ENOX2: variants seen among roughly 807,000 people sequenced by gnomAD.
ENOX2 encodes ecto-NOX disulfide-thiol exchanger 2.
A neutral mutation model predicts 45.0 loss-of-function variants in ENOX2; 36 were observed. The ratio of observed to expected loss-of-function variants is 0.80; its 90% CI spans 0.61 to 1.06. The LOEUF is 1.06. ENOX2 is among the 50% of genes least tolerant of loss of function. ENOX2 has a pLI of 0.00. For synonymous variants in ENOX2, 174 were observed against 152.3 expected, an observed-to-expected ratio of 1.14 and a Z score of -1.05; for missense variants, 423 against 462.5, an observed-to-expected ratio of 0.91 and a Z score of 0.78.
chrX:130,793,749 C>T, intron 2 of ENOX2, among the ~76,000 whole-genome samples: 1 of 111,865 alleles, frequency 8.9e-6, no homozygotes, highest in Non-Finnish European at 1.9e-5. Context: ...GTTTGTGTTC[C>T]GTGAGCAGAA....
chrX:130,757,082 C>T (rs1384243867), intron 3 of ENOX2, among the ~76,000 whole-genome samples: 3 of 111,899 alleles, frequency 2.7e-5, no homozygotes, highest in Non-Finnish European at 5.6e-5. Flanking sequence ...CTTAATTACT[C>T]ACTCTTCTAT....
intron 3 of ENOX2, among the ~76,000 whole-genome samples, chrX:130,742,072 C>T (rs780143309): frequency 5.0e-4 from 55 of 110,468 alleles, no homozygotes; most frequent in Non-Finnish European, 8.7e-4. Context: ...ATTCCCCTTT[C>T]TTTTTCAGAG....
intron 2 of ENOX2, among the ~76,000 whole-genome samples, chrX:130,798,618 A>C (rs2077170792): frequency 8.9e-6 from 1 of 112,686 alleles, no homozygotes. Context: ...AAATTTAGAC[A>C]AAGTATAATT....
chrX:130,753,365 T>G (rs1047401974), intron 3 of ENOX2, among the ~76,000 whole-genome samples: 2 of 111,254 alleles, frequency 1.8e-5, no homozygotes, highest in Non-Finnish European at 3.8e-5. Flanking sequence ...TCTGCTTCTC[T>G]TTGTCTGTCC....
At chrX:130,838,782 G>T (rs1267644371) in intron 2 of ENOX2, among the ~76,000 whole-genome samples, 1 of 111,966 alleles carries the variant, frequency 8.9e-6, no homozygotes, top group African/African-American at 3.2e-5. Flanking sequence ...CAAGGTAGGG[G>T]TCACATATAG....
intron 2 of ENOX2, among the ~76,000 whole-genome samples, chrX:130,864,399 G>C (rs1445013087): frequency 1.8e-5 from 2 of 111,174 alleles, no homozygotes; most frequent in Admixed American, 9.6e-5. Context: ...TCAACCACAG[G>C]CTCAGTTGCA....
intron 3 of ENOX2, among the ~76,000 whole-genome samples, chrX:130,733,338 C>A (rs2038782054): frequency 9.2e-6 from 1 of 108,939 alleles, no homozygotes. Flanking sequence ...CAATATATAC[C>A]TGTTAGAATG....
intron 3 of ENOX2, among the ~76,000 whole-genome samples, chrX:130,777,371 C>T (rs748435310): frequency 9.2e-6 from 1 of 108,675 alleles, no homozygotes; most frequent in East Asian, 2.9e-4. Context: ...TGGTGGTGCA[C>T]ATTTGTAGTT....
At chrX:130,664,765 C>T (rs1466874984) in intron 9 of ENOX2, among the ~76,000 whole-genome samples, 1 of 112,344 alleles carries the variant, frequency 8.9e-6, no homozygotes, top group African/African-American at 3.2e-5. Flanking sequence ...GTGAGGCTCA[C>T]ACAGGTGAGA....
intron 2 of ENOX2, among the ~76,000 whole-genome samples, chrX:130,791,816 A>G (rs976185016): frequency 8.9e-6 from 1 of 112,013 alleles, no homozygotes; most frequent in African/African-American, 3.2e-5. Flanking sequence ...ATGTATCTGC[A>G]TAATTTCATT....
intron 2 of ENOX2, among the ~76,000 whole-genome samples, chrX:130,869,212 T>C (rs1452312024): frequency 9.0e-6 from 1 of 111,064 alleles, no homozygotes; most frequent in African/African-American, 3.3e-5. Flanking sequence ...AACTGATCTT[T>C]CTGCCTCCAT....
chrX:130,730,299 G>T (rs1050093919), intron 3 of ENOX2, among the ~76,000 whole-genome samples: 3 of 112,617 alleles, frequency 2.7e-5, no homozygotes, highest in Admixed American at 9.4e-5. Flanking sequence ...TGTTGCTCCA[G>T]TTAGAACTTC....
chrX:130,889,964 A>G (rs2078961562), intron 2 of ENOX2, among the ~76,000 whole-genome samples: 1 of 112,827 alleles, frequency 8.9e-6, no homozygotes, highest in Non-Finnish European at 1.9e-5. Context: ...AGGTTCAGCA[A>G]AGGAGGCTTG....
intron 2 of ENOX2, among the ~76,000 whole-genome samples, chrX:130,818,840 A>G (rs1011068311): frequency 9.0e-6 from 1 of 111,653 alleles, no homozygotes; most frequent in Non-Finnish European, 1.9e-5. Flanking sequence ...AAAACACTAA[A>G]AACAATGGCA....
At chrX:130,813,691 T>A (rs2077430675) in intron 2 of ENOX2, among the ~76,000 whole-genome samples, 1 of 111,816 alleles carries the variant, frequency 8.9e-6, no homozygotes, top group South Asian at 3.8e-4. Flanking sequence ...CATGAGGGAC[T>A]GTGCCATAAA....
At position 130,622,826 on chromosome X, in the gene ENOX2, G is replaced by A. The variant is rs1426529747; in HGVS notation, c.*2488C>T. Among the ~76,000 whole-genome samples, 3 of 111,697 alleles carry A rather than the reference G, an allele frequency of 2.7e-5. No homozygotes were observed. Among genetic ancestry groups the A allele is most frequent in the Non-Finnish European group, 5.6e-5 (3 of 53,190 alleles). ...TATCTATATATAGATATATATGAGA[G>A]AGATCTATTTATTTTAAGGAATTGG... On this transcript the variant is annotated 3_prime_UTR_variant, in exon 15 of 15. Transcript: ENST00000394363.
intron 6 of ENOX2, among the ~76,000 whole-genome samples, chrX:130,670,788 TA>T (rs978145981): frequency 2.0e-4 from 21 of 107,496 alleles, no homozygotes; most frequent in African/African-American, 5.4e-4. Flanking sequence ...TTGGGATCCT[TA>T]AAAAAAAAGA....
intron 5 of ENOX2, among the ~76,000 whole-genome samples, chrX:130,680,201 G>A (rs935771163): frequency 5.4e-5 from 6 of 112,085 alleles, no homozygotes; most frequent in African/African-American, 1.9e-4. Context: ...AATGCTTTTT[G>A]AAGGAACAGA....
chrX:130,679,470 A>T, intron 6 of ENOX2, 72 bp downstream of exon 6: 1 of 905,820 alleles, frequency 1.1e-6, no homozygotes, highest in Non-Finnish European at 1.6e-6. Context: ...TATCTGCTAT[A>T]GACACAAATA....
Sources: gnomAD v4.1 joint callset for allele counts (sites outside exome capture counted in the v4.1 genomes callset) on GRCh38, gnomAD v4.1.1 for gene constraint, MANE v1.5 for transcripts, NCBI Gene and HGNC (gene_info 2026-07-23, HGNC 2026-07-21) for gene names.